The following SLC4A10 variants were observed in gnomAD, a reference collection of about 807,000 sequenced individuals.
SLC4A10 encodes the protein sodium-driven chloride bicarbonate exchanger.
In SLC4A10, 42 loss-of-function variants were observed where a neutral mutation model predicts 137.7. The observed-to-expected ratio is 0.30, with a 90% CI of 0.24 to 0.39. The LOEUF is 0.39. Among genes scored for constraint, SLC4A10 ranks in the 10% least tolerant of loss-of-function variants. The pLI is 1.00. For synonymous variants in SLC4A10, 474 were observed against 464.1 expected, an observed-to-expected ratio of 1.02 and a Z score of -0.27; for missense variants, 925 against 1,355.0, an observed-to-expected ratio of 0.68 and a Z score of 4.98.
chr2:161,764,337 G>A (rs2050573879), intron 1 of SLC4A10, among the ~76,000 whole-genome samples: 1 of 152,066 alleles, frequency 6.6e-6, no homozygotes, highest in Non-Finnish European at 1.5e-5. Context: ...TTATCAAGTG[G>A]TAATAGTGGA....
intron 1 of SLC4A10, among the ~76,000 whole-genome samples, chr2:161,684,267 A>G (rs143781271): frequency 3.4e-3 from 517 of 152,252 alleles, no homozygotes; most frequent in African/African-American, 0.011. Flanking sequence ...AATAGATTAC[A>G]TTTTGTTTAT....
intron 16 of SLC4A10, among the ~76,000 whole-genome samples, chr2:161,944,599 T>C (rs1285819846): frequency 7.0e-6 from 1 of 142,772 alleles, no homozygotes; most frequent in African/African-American, 2.5e-5. Flanking sequence ...TTTTTTTCTC[T>C]TTTTTTTTGT....
At chr2:161,757,579 T>C (rs56026147) in intron 1 of SLC4A10, among the ~76,000 whole-genome samples, 12,370 of 152,180 alleles carry the variant, frequency 0.081, 644 homozygotes, top group East Asian at 0.14. Context: ...ATAAGGAAAT[T>C]GAGGCACAAA....
intron 21 of SLC4A10, among the ~76,000 whole-genome samples, chr2:161,961,525 G>C (rs1022532150): frequency 7.0e-6 from 1 of 142,370 alleles, no homozygotes; most frequent in Non-Finnish European, 1.5e-5. Context: ...AAGAGGTTTT[G>C]TTTATTTGTT....
rs144145638 is a variant in SLC4A10, at chr2:161,709,475, G to A, written c.49-61498G>A. ...CTATTGAAATATTGATGCTCTTGGT[G>A]CTTTTAAGGTAGATATATACTAACG... On this transcript the variant is annotated intron_variant, in intron 1 of 26. Transcript: ENST00000446997. 6.1e-4 allele frequency among the ~76,000 whole-genome samples: 93 copies of A among 151,626 alleles called. 1 individual carries two copies. The East Asian group carries it at 0.017, about 27-fold the overall frequency.
intron 15 of SLC4A10, among the ~76,000 whole-genome samples, chr2:161,936,191 A>G (rs1284559522): frequency 6.6e-6 from 1 of 152,058 alleles, no homozygotes; most frequent in Admixed American, 6.6e-5. Flanking sequence ...ATTTGCTGGT[A>G]TATTTTGAAG....
intron 1 of SLC4A10, among the ~76,000 whole-genome samples, chr2:161,635,681 G>C (rs1423325337): frequency 1.3e-5 from 2 of 152,064 alleles, no homozygotes; most frequent in Non-Finnish European, 2.9e-5. Context: ...GGTAATTTGG[G>C]TGCAGTGATT....
At chr2:161,944,596 CTCTTT>C (rs1693378111) in intron 16 of SLC4A10, among the ~76,000 whole-genome samples, 2 of 150,938 alleles carry the variant, frequency 1.3e-5, no homozygotes, top group Admixed American at 1.3e-4. Flanking sequence ...TGGTTTTTTT[CTCTTT>C]TTTTTTGTCA....
At chr2:161,976,717 T>G (rs1281018892) in intron 24 of SLC4A10, 43 bp from the exon 25 acceptor site, 1 of 998,804 alleles carries the variant, frequency 1.0e-6, no homozygotes, top group Non-Finnish European at 1.4e-6. Flanking sequence ...CTGCAGTTAC[T>G]TATGTAATGT....
At chr2:161,839,640 T>C in intron 3 of SLC4A10, 149 bp from the exon 4 acceptor site, 1 of 676,540 alleles carries the variant, frequency 1.5e-6, no homozygotes, top group Non-Finnish European at 2.3e-6. Context: ...CTGAGTTTGA[T>C]TTGGATGAGT....
intron 11 of SLC4A10, among the ~76,000 whole-genome samples, chr2:161,897,522 G>C (rs1276732395): frequency 6.6e-6 from 1 of 152,008 alleles, no homozygotes; most frequent in Non-Finnish European, 1.5e-5. Flanking sequence ...TACTTAAAAA[G>C]GGTATCTCAA....
intron 1 of SLC4A10, among the ~76,000 whole-genome samples, chr2:161,721,816 G>A (rs1037194883): frequency 3.3e-5 from 5 of 152,040 alleles, no homozygotes; most frequent in African/African-American, 7.2e-5. Flanking sequence ...TCTCTTTCAG[G>A]TACCCCAATC....
rs1369579638 is a variant in SLC4A10, at chr2:161,835,185, G to C, written c.278-4604G>C. 5.3e-5 allele frequency among the ~76,000 whole-genome samples: 8 copies of C among 151,902 alleles called. No homozygotes were observed. In the East Asian group the frequency reaches 1.6e-3, roughly 30 times the overall value. On this transcript the variant is annotated intron_variant, in intron 3 of 26. Coordinates refer to ENST00000446997, the MANE Select transcript of SLC4A10 (RefSeq NM_001178015.2). ...CCTGAGTATCTGAGACTACAAGCACGTGCCACCATGCCCAGCTAATTTTTT... is the reference window on the plus strand; with the variant it reads ...CCTGAGTATCTGAGACTACAAGCACCTGCCACCATGCCCAGCTAATTTTTT...
intron 1 of SLC4A10, among the ~76,000 whole-genome samples, chr2:161,744,000 A>AT (rs912640325): frequency 6.6e-6 from 1 of 152,114 alleles, no homozygotes; most frequent in Non-Finnish European, 1.5e-5. Context: ...ACTTTCCTGA[A>AT]TTTTTTAAAT....
intron 1 of SLC4A10, among the ~76,000 whole-genome samples, chr2:161,679,482 G>A (rs1266053919): frequency 6.6e-6 from 1 of 152,036 alleles, no homozygotes; most frequent in Non-Finnish European, 1.5e-5. Context: ...CTTTAAATTA[G>A]CAATGCAAAA....
At chr2:161,671,943 G>A (rs1254350503) in intron 1 of SLC4A10, among the ~76,000 whole-genome samples, 1 of 152,142 alleles carries the variant, frequency 6.6e-6, no homozygotes, top group Non-Finnish European at 1.5e-5. Flanking sequence ...GTGATGAGAG[G>A]AAAGAACTGT....
chr2:161,911,271 A>G (rs367573368), intron 15 of SLC4A10, among the ~76,000 whole-genome samples: 1 of 152,196 alleles, frequency 6.6e-6, no homozygotes, highest in East Asian at 1.9e-4. Flanking sequence ...TTGACACATT[A>G]TGAAATTGTT....
intron 1 of SLC4A10, among the ~76,000 whole-genome samples, chr2:161,640,828 G>A (rs2035216115): frequency 6.6e-6 from 1 of 151,888 alleles, no homozygotes; most frequent in Non-Finnish European, 1.5e-5. Context: ...ACCCTCCCTG[G>A]CCTGCATTTT....
chr2:161,904,200 G>A, intron 13 of SLC4A10, 22 bp downstream of exon 13: 11 of 1,568,342 alleles, frequency 7.0e-6, no homozygotes, highest in Non-Finnish European at 9.5e-6. Context: ...GCTTTTCTCT[G>A]AACTTTGAAA....
Sources: gnomAD v4.1 joint callset for allele counts (sites outside exome capture counted in the v4.1 genomes callset) on GRCh38, gnomAD v4.1.1 for gene constraint, MANE v1.5 for transcripts, NCBI Gene and HGNC (gene_info 2026-07-23, HGNC 2026-07-21) for gene names.